DNAH9: variants seen among roughly 807,000 people sequenced by gnomAD.
The protein encoded by DNAH9 is DNAH9 variant protein.
A neutral mutation model predicts 471.6 loss-of-function variants in DNAH9; 345 were observed. The observed-to-expected ratio is 0.73, with a 90% CI of 0.67 to 0.80. The LOEUF (loss-of-function observed/expected upper bound fraction) is 0.80. Ranked by LOEUF, DNAH9 falls within the 30% of genes least tolerant of loss-of-function variation. DNAH9 has a pLI of 0.00. For synonymous variants in DNAH9, 2,093 were observed against 2,123.6 expected (o/e 0.99, Z 0.40); for missense variants, 5,407 against 5,609.2 (o/e 0.96, Z 1.15).
At chr17:11,682,650 C>T (rs1156768940) in intron 19 of DNAH9, among the ~76,000 whole-genome samples, 1 of 152,098 alleles carries the variant, frequency 6.6e-6, no homozygotes, top group East Asian at 1.9e-4. Flanking sequence ...AGTTGGGCTG[C>T]ACATTTAGAA....
At chr17:11,941,306 G>T (rs998990886) in intron 66 of DNAH9, among the ~76,000 whole-genome samples, 1 of 152,108 alleles carries the variant, frequency 6.6e-6, no homozygotes. Context: ...TCCAGAAATG[G>T]CTGGCGCTCG....
At chr17:11,605,672 C>CTCTT (rs1597382017) in intron 1 of DNAH9, among the ~76,000 whole-genome samples, 1 of 101,678 alleles carries the variant, frequency 9.8e-6, no homozygotes. Flanking sequence ...GGCAATTTTT[C>CTCTT]TATTTTTTTT....
chr17:11,652,856 A>G lies in DNAH9; in HGVS notation c.2449A>G (p.Ile817Val). 1.2e-6 allele frequency: 2 copies of G among 1,614,120 alleles called. No homozygotes were observed. Among genetic ancestry groups the G allele is most frequent in the East Asian group, 2.2e-5 (1 of 44,880 alleles). Residue 817 changes from isoleucine to valine, a missense_variant, in exon 14 of 69, where the codon ATC (isoleucine) becomes GTC (valine). Ile to Val is a conservative substitution (Grantham distance 29). Transcript: ENST00000262442. ...AGACAATGTGGAAGAGATCCAAAAC[A>G]TCATGAAAACATGGGTGACTCCAAT... ...TKDNVEEIQN[I>V]MKTWVTPIFK...
chr17:11,612,202 G>T, intron 4 of DNAH9: 4 of 394,830 alleles, frequency 1.0e-5, no homozygotes, highest in South Asian at 9.3e-5. Context: ...GAGCCTGTGT[G>T]ACCAACTCCA....
chr17:11,796,888 G>A (rs956664343), intron 42 of DNAH9, among the ~76,000 whole-genome samples: 3 of 152,144 alleles, frequency 2.0e-5, no homozygotes, highest in Non-Finnish European at 4.4e-5. Context: ...GTGAAGAGAC[G>A]CAGACTCCTT....
chr17:11,877,587 GA>G (rs1296740909), intron 53 of DNAH9, among the ~76,000 whole-genome samples: 1 of 151,076 alleles, frequency 6.6e-6, no homozygotes, highest in Non-Finnish European at 1.5e-5. Flanking sequence ...CACTCAAAGT[GA>G]GCTTTGTTGC....
Position 11,892,041 on chromosome 17 carries a change from C to G in DNAH9, c.11283+94C>G. ...AACTTTCTTCTTTGAACATCACTTT[C>G]CACAGCATGTCCAGACTATCTGTCT... On this transcript the variant is annotated intron_variant, in intron 58 of 68. Transcript: ENST00000262442. The surrounding 1 kb of genome is among the most constrained non-coding windows in gnomAD (Gnocchi z 4.3). 1.4e-6 allele frequency: 2 copies of G among 1,396,868 alleles called. No individual in the cohort carries two copies. Among genetic ancestry groups the G allele is most frequent in the South Asian group, 2.5e-5 (2 of 78,512 alleles). The allele number at this position is 1,396,868 out of a possible 1,614,324, so 86.5% of individuals were successfully genotyped here.
chr17:11,810,174 A>T, intron 44 of DNAH9, 72 bp from the exon 45 acceptor site: 1 of 1,503,738 alleles, frequency 6.7e-7, no homozygotes, highest in Non-Finnish European at 8.9e-7. Flanking sequence ...TTCCATTTCT[A>T]AAGAATGGGT....
chr17:11,752,779 G>T, intron 32 of DNAH9, 54 bp from the exon 33 acceptor site: 1 of 1,466,858 alleles, frequency 6.8e-7, no homozygotes, highest in Non-Finnish European at 9.1e-7. Flanking sequence ...CTGTGTTTAA[G>T]TGAAAGAGGA....
chr17:11,819,439 A>G (rs1012678046), intron 45 of DNAH9, among the ~76,000 whole-genome samples: 2 of 151,210 alleles, frequency 1.3e-5, no homozygotes, highest in Non-Finnish European at 2.9e-5. Context: ...TTTTTTTGAG[A>G]CGAAGTCTTG....
In DNAH9 at chr17:11,631,206, AAAG is replaced by A. The variant is rs2073058980; in HGVS notation, c.1519-1375_1519-1373del. Among the ~76,000 whole-genome samples the A allele has an allele frequency of 3.9e-5, 6 of 152,278 alleles. No homozygotes were observed. In the South Asian group the frequency reaches 1.0e-3, roughly 26 times the overall value. On this transcript the variant is annotated intron_variant, in intron 7 of 68. Transcript: ENST00000262442. ...GTAAGTCCACATGCATGGGAGAAAA[AAAG>A]AAGAAAAAGGGCCAGTATGAAAACA...
chr17:11,634,345 C>T (rs2073122163), intron 8 of DNAH9, among the ~76,000 whole-genome samples: 1 of 152,140 alleles, frequency 6.6e-6, no homozygotes, highest in Non-Finnish European at 1.5e-5. Flanking sequence ...CAGAGAAGAA[C>T]ATTTTCAAGG....
intron 53 of DNAH9, among the ~76,000 whole-genome samples, chr17:11,878,475 T>A (rs1972594158): frequency 6.6e-6 from 1 of 152,244 alleles, no homozygotes. Flanking sequence ...ATTCTATAAG[T>A]GATGCCTAGA....
rs1346877558 is a variant in DNAH9 at position 11,636,757 on chromosome 17, C to G, written c.1759C>G (p.Gln587Glu). 1 of 1,613,956 alleles carries G rather than the reference C, an allele frequency of 6.2e-7. No homozygotes were observed. Among genetic ancestry groups the G allele is most frequent in the African/African-American group, 1.3e-5 (1 of 74,906 alleles). Reference protein sequence around the residue: ...DLDAVRMIYSQHVQEEAELGF... With the variant: ...DLDAVRMIYSEHVQEEAELGF... ...GGATGCAGTGAGGATGATCTACAGT[C>G]AGCACGTCCAGGAGGAAGCAGAACT... The change falls in exon 9 of 69, where the codon CAG (glutamine) becomes GAG (glutamate). Residue 587 changes from glutamine (Q) to glutamate (E), a missense_variant. Gln to Glu is a conservative substitution (Grantham distance 29). Around this residue, in one of 3 missense-constraint regions of DNAH9, gnomAD observed 4,636 missense variants for 4,900.3 expected, o/e 0.95. Coordinates refer to ENST00000262442, the MANE Select transcript of DNAH9 (RefSeq NM_001372.4).
chr17:11,886,673 A>C (rs761238944), intron 56 of DNAH9, 152 bp from the exon 57 acceptor site: 3 of 932,958 alleles, frequency 3.2e-6, no homozygotes, highest in Non-Finnish European at 4.7e-6. Flanking sequence ...AAGGAATACC[A>C]TAGTAGCTTT....
chr17:11,763,405 C>T (rs1224169699), intron 35 of DNAH9, 35 bp from the exon 36 acceptor site: 3 of 1,593,396 alleles, frequency 1.9e-6, no homozygotes, highest in African/African-American at 2.7e-5. Flanking sequence ...GGAATATCCT[C>T]TGTGTTTCAG....
At chr17:11,819,329 T>C (rs1163838414) in intron 45 of DNAH9, among the ~76,000 whole-genome samples, 1 of 152,236 alleles carries the variant, frequency 6.6e-6, no homozygotes, top group Non-Finnish European at 1.5e-5. Flanking sequence ...TGGGTTTCTT[T>C]CTTAATTCTG....
At chr17:11,778,922 C>A (rs1264850167) in intron 38 of DNAH9, among the ~76,000 whole-genome samples, 1 of 152,072 alleles carries the variant, frequency 6.6e-6, no homozygotes, top group African/African-American at 2.4e-5. Context: ...AGGAGAATTG[C>A]TTGAACCCAG....
chr17:11,701,642 CAT>C (rs112039719), intron 24 of DNAH9, among the ~76,000 whole-genome samples: 177 of 152,246 alleles, frequency 1.2e-3, no homozygotes, highest in African/African-American at 3.9e-3. Context: ...ACTGCTGACA[CAT>C]ATGACTGGTG....
Sources: gnomAD v4.1 joint callset for allele counts (sites outside exome capture counted in the v4.1 genomes callset) on GRCh38, gnomAD v4.1.1 for gene constraint, gnomAD v4.1.1 regional missense constraint, Gnocchi (gnomAD v3.1) non-coding constraint, MANE v1.5 for transcripts, NCBI Gene and HGNC (gene_info 2026-07-23, HGNC 2026-07-21) for gene names.